The following COPS3 variants were observed in gnomAD, a reference collection of about 807,000 sequenced individuals.
COPS3 encodes the protein COP9 signalosome subunit 3.
Under a neutral mutation model 58.2 loss-of-function variants are expected in COPS3, and 10 were observed. The observed-to-expected ratio is 0.17, with a 90% CI of 0.11 to 0.29. COPS3 has a LOEUF of 0.29. COPS3 is among the 10% of genes least tolerant of loss of function. The pLI, the probability that COPS3 is intolerant of heterozygous loss-of-function variation, is 1.00. For missense variants in COPS3, 333 were observed against 510.1 expected, an observed-to-expected ratio of 0.65 and a Z score of 3.34; for synonymous variants, 187 against 181.7, an observed-to-expected ratio of 1.03 and a Z score of -0.24.
intron 9 of COPS3, among the ~76,000 whole-genome samples, chr17:17,249,457 G>A (rs2047792551): frequency 6.6e-6 from 1 of 151,708 alleles, no homozygotes; most frequent in Non-Finnish European, 1.5e-5. Flanking sequence ...CCAAGTAACT[G>A]GGATTACAGG....
At chr17:17,252,023 C>T (rs953289529) in intron 9 of COPS3, among the ~76,000 whole-genome samples, 4 of 151,350 alleles carry the variant, frequency 2.6e-5, no homozygotes, top group Non-Finnish European at 4.4e-5. Context: ...GAGCTGAGAT[C>T]GCACCACTGC....
In COPS3 at chr17:17,270,811, G is replaced by T; in HGVS notation, c.299-4C>A. The T allele has an allele frequency of 6.2e-7, 1 of 1,600,254 alleles. No homozygotes were observed. The highest frequency in any genetic ancestry group is 8.5e-7 in the Non-Finnish European group (1 of 1,172,392). On this transcript the variant is annotated splice_polypyrimidine_tract_variant and splice_region_variant and intron_variant, in intron 3 of 11. Coordinates refer to ENST00000268717, the MANE Select transcript of COPS3 (RefSeq NM_003653.4). ...AGCTGATGGCAAAGCCCAGCAACTA[G>T]ATACAATAACAAAATATTCAAAATA...
chr17:17,263,409 G>C (rs1199228337), intron 6 of COPS3, among the ~76,000 whole-genome samples: 1 of 152,016 alleles, frequency 6.6e-6, no homozygotes, highest in Non-Finnish European at 1.5e-5. Context: ...ATGTTGGCCA[G>C]GCTGGTCTTG....
intron 7 of COPS3, 90 bp from the exon 8 acceptor site, chr17:17,260,564 G>T: frequency 7.8e-7 from 1 of 1,284,034 alleles, no homozygotes; most frequent in Non-Finnish European, 1.1e-6. Flanking sequence ...AACACTTTGG[G>T]AGGCCGAGGC....
At chr17:17,263,618 A>G (rs1337020045) in intron 6 of COPS3, among the ~76,000 whole-genome samples, 2 of 149,094 alleles carry the variant, frequency 1.3e-5, no homozygotes, top group African/African-American at 4.9e-5. Context: ...GGTTCAAGCA[A>G]TTCTCCTGCT....
At chr17:17,268,330 G>C (rs1214633886) in intron 4 of COPS3, among the ~76,000 whole-genome samples, 2 of 152,110 alleles carry the variant, frequency 1.3e-5, no homozygotes, top group African/African-American at 2.4e-5. Flanking sequence ...AGAGACAACA[G>C]CCTATGCTTA....
chr17:17,254,814 GAAAAAAAA>G (rs71152853), intron 9 of COPS3, 37 bp downstream of exon 9: 41 of 822,816 alleles, frequency 5.0e-5, no homozygotes, highest in South Asian at 1.5e-4. Flanking sequence ...ATCTCAAAAA[GAAAAAAAA>G]AAAAAAAAAA....
Position 17,267,894 on chromosome 17 carries a change from ATCAGCATGTATTGAGG to A in COPS3, c.416_431del (p.Thr139IlefsTer8). 1 of 1,613,888 alleles carries A rather than the reference ATCAGCATGTATTGAGG, an allele frequency of 6.2e-7. No homozygotes were observed. The highest frequency in any genetic ancestry group is 8.5e-7 in the Non-Finnish European group (1 of 1,179,854). Reference sequence around the variant, plus strand: ...CACTTTGGTTGCTTACCTGGCAGAGATCAGCATGTATTGAGGTCAGCTGGTTTGTATTCATCTGCAT... The same window carrying A: ...CACTTTGGTTGCTTACCTGGCAGAGATCAGCTGGTTTGTATTCATCTGCAT... On this transcript the variant is annotated frameshift_variant, in exon 5 of 12. Coordinates refer to ENST00000268717, the MANE Select transcript of COPS3 (RefSeq NM_003653.4). LOFTEE classifies it high-confidence loss of function.
rs1171703234 is a variant in COPS3 at position 17,271,713 on chromosome 17, C to G, written c.186-705G>C. ...GGTGCATGCATGCCTGTAACCCCAGCTACTCGGGAGGCTGAGGAACTGCTT... is the reference window on the plus strand; with the variant it reads ...GGTGCATGCATGCCTGTAACCCCAGGTACTCGGGAGGCTGAGGAACTGCTT... On this transcript the variant is annotated intron_variant, in intron 2 of 11. Coordinates refer to ENST00000268717, the MANE Select transcript of COPS3 (RefSeq NM_003653.4). Among the ~76,000 whole-genome samples, 56 of 149,200 alleles carry G rather than the reference C, an allele frequency of 3.8e-4. 1 individual carries two copies. Among genetic ancestry groups the G allele is most frequent in the Admixed American group, 3.7e-3 (55 of 14,872 alleles).
chr17:17,264,748 C>T, intron 6 of COPS3, 54 bp downstream of exon 6: 2 of 1,519,658 alleles, frequency 1.3e-6, no homozygotes, highest in Non-Finnish European at 1.8e-6. Flanking sequence ...TATGGGAGCA[C>T]TTTTTTGATC....
At chr17:17,258,274 C>T (rs949707565) in intron 8 of COPS3, among the ~76,000 whole-genome samples, 9 of 152,132 alleles carry the variant, frequency 5.9e-5, no homozygotes, top group African/African-American at 1.9e-4. Flanking sequence ...AAGACCATTT[C>T]GAGTTGAGAC....
intron 1 of COPS3, among the ~76,000 whole-genome samples, chr17:17,279,599 C>T (rs868619706): frequency 6.6e-6 from 1 of 152,290 alleles, no homozygotes; most frequent in East Asian, 1.9e-4. Context: ...GGTAAAAGCA[C>T]CCCTCCATTT....
chr17:17,263,271 G>C (rs2048145396), intron 6 of COPS3, among the ~76,000 whole-genome samples: 1 of 138,152 alleles, frequency 7.2e-6, no homozygotes, highest in Admixed American at 7.4e-5. Context: ...CTGGGCGACA[G>C]AGCAAGACTC....
chr17:17,261,386 C>T lies in COPS3; in HGVS notation c.762+580G>A, dbSNP rs987384183. On this transcript the variant is annotated intron_variant, in intron 7 of 11. Transcript: ENST00000268717. ...CTAAAAATACAAAAAATTAGCTGGG[C>T]ATGGTGGCACACACCTGTAGTCCCA... Among the ~76,000 whole-genome samples, 8 of 152,028 alleles carry T rather than the reference C, an allele frequency of 5.3e-5. 1 individual carries two copies. The highest frequency in any genetic ancestry group is 1.3e-4 in the Admixed American group (2 of 15,242).
At chr17:17,280,735 T>TGCG in intron 1 of COPS3, 1 of 1,249,084 alleles carries the variant, frequency 8.0e-7, no homozygotes, top group Non-Finnish European at 1.0e-6. Context: ...GTCAGCAAGC[T>TGCG]GCGGATCGGC....
chr17:17,249,908 A>G (rs1380427634), intron 9 of COPS3, among the ~76,000 whole-genome samples: 2 of 152,192 alleles, frequency 1.3e-5, no homozygotes, highest in African/African-American at 4.8e-5. Context: ...GATTACAGGC[A>G]TGGGCCACCA....
At position 17,247,131 on chromosome 17, in the gene COPS3, ATCT is replaced by A. The variant is rs766171933; in HGVS notation, c.1236_1238del (p.Glu412del). 3 of 1,613,932 alleles carry A rather than the reference ATCT, an allele frequency of 1.9e-6. No individual in the cohort carries two copies. The highest frequency in any genetic ancestry group is 1.7e-5 in the Admixed American group (1 of 60,010). On this transcript the variant is annotated inframe_deletion, in exon 12 of 12. Transcript: ENST00000268717. ...AACTGGATGGTTTGTTTCCTGAATC[ATCT>A]TCTTGTGAGCCCATACTCTGTAAAG...
chr17:17,249,371 T>C (rs1457218077), intron 9 of COPS3, among the ~76,000 whole-genome samples: 1 of 152,184 alleles, frequency 6.6e-6, no homozygotes, highest in Non-Finnish European at 1.5e-5. Context: ...TCCCCCAGGC[T>C]GGAGTGCAGT....
At chr17:17,271,852 A>C (rs868269075) in intron 2 of COPS3, among the ~76,000 whole-genome samples, 37 of 142,870 alleles carry the variant, frequency 2.6e-4, no homozygotes, top group African/African-American at 8.8e-4. Flanking sequence ...ATATATATAT[A>C]TATATACACA....
Sources: gnomAD v4.1 joint callset for allele counts (sites outside exome capture counted in the v4.1 genomes callset) on GRCh38, gnomAD v4.1.1 for gene constraint, MANE v1.5 for transcripts, NCBI Gene and HGNC (gene_info 2026-07-23, HGNC 2026-07-21) for gene names.